The following ZNF521 variants were observed in gnomAD, a reference collection of about 807,000 sequenced individuals.
ZNF521 encodes the protein zinc finger protein 521, also known as LYST-interacting protein 3.
ZNF521 carries 14 observed loss-of-function variants against 105.5 expected under a neutral mutation model. The observed-to-expected ratio is 0.13, with a 90% confidence interval of 0.09 to 0.21. ZNF521 has a LOEUF of 0.21. Ranked by LOEUF, ZNF521 falls within the 10% of genes least tolerant of loss-of-function variation. The probability of loss-of-function intolerance (pLI) is 1.00; values close to 1 mark genes in which losing one functional copy is unlikely to be tolerated. For missense variants in ZNF521, 1,233 were observed against 1,629.7 expected, an observed-to-expected ratio of 0.76 and a Z score of 4.19; for synonymous variants, 635 against 606.0, an observed-to-expected ratio of 1.05 and a Z score of -0.70.
chr18:25,257,419 T>C (rs183153626), intron 3 of ZNF521, among the ~76,000 whole-genome samples: 24 of 152,202 alleles, frequency 1.6e-4, no homozygotes, highest in Admixed American at 8.5e-4. Context: ...CAACTTCTTA[T>C]GTGACCTTAA....
At chr18:25,291,168 T>A (rs1305087494) in intron 3 of ZNF521, among the ~76,000 whole-genome samples, 1 of 152,204 alleles carries the variant, frequency 6.6e-6, no homozygotes, top group Non-Finnish European at 1.5e-5. Context: ...CATGTGGCCA[T>A]AAATAATGCA....
intron 6 of ZNF521, among the ~76,000 whole-genome samples, chr18:25,091,395 G>C (rs1183746121): frequency 2.6e-5 from 4 of 151,852 alleles, no homozygotes; most frequent in African/African-American, 9.7e-5. Flanking sequence ...CTTCTTAAAA[G>C]TATAAGTGTA....
At chr18:25,346,867 A>C (rs903649937) in intron 2 of ZNF521, among the ~76,000 whole-genome samples, 7 of 152,142 alleles carry the variant, frequency 4.6e-5, no homozygotes. Context: ...TCTTGTGTTT[A>C]ACTTGGCCAT....
chr18:25,270,828 T>A (rs1909605502), intron 3 of ZNF521, among the ~76,000 whole-genome samples: 6 of 152,184 alleles, frequency 3.9e-5, no homozygotes, highest in Admixed American at 3.9e-4. Flanking sequence ...TCATACTGAA[T>A]GGGCAAAAAC....
At chr18:25,206,071 T>G (rs2144668679) in intron 4 of ZNF521, among the ~76,000 whole-genome samples, 1 of 152,272 alleles carries the variant, frequency 6.6e-6, no homozygotes, top group South Asian at 2.1e-4. Context: ...TGGCACGATC[T>G]CGGCTCACTG....
chr18:25,111,144 T>C (rs2034181891), intron 5 of ZNF521, among the ~76,000 whole-genome samples: 1 of 152,062 alleles, frequency 6.6e-6, no homozygotes, highest in Admixed American at 6.6e-5. Flanking sequence ...GGTGCCCAGC[T>C]TCCTCCCTAG....
At chr18:25,351,630 A>C (rs1313675284) in intron 1 of ZNF521, 2 of 152,472 alleles carry the variant, frequency 1.3e-5, no homozygotes, top group African/African-American at 4.8e-5. Context: ...CACGAAAATA[A>C]GCAAAGGGAA....
Position 25,225,283 on chromosome 18 carries a change from C to T in ZNF521, c.2635G>A (p.Val879Ile), listed in dbSNP as rs201246445. The T allele has an allele frequency of 5.2e-5, 84 of 1,614,152 alleles. No homozygotes were observed. The highest frequency in any genetic ancestry group is 9.3e-5 in the African/African-American group (7 of 75,022). Residue 879 changes from valine to isoleucine, a missense_variant, in exon 4 of 8, where the codon GTT becomes ATT. This residue lies in a region of ZNF521 where 614 missense variants were observed against 751.5 expected (regional missense o/e 0.82). Coordinates refer to ENST00000361524, the MANE Select transcript of ZNF521 (RefSeq NM_015461.3). The surrounding 1 kb of genome is among the most constrained non-coding windows in gnomAD (Gnocchi z 5.6). ...HNSHDGSEEDVDTSEPMYGCD... is the reference protein window; with the variant it reads ...HNSHDGSEEDIDTSEPMYGCD... ...CCGTACATAGGCTCAGAGGTGTCAA[C>T]GTCTTCTTCGCTCCCATCGTGACTG... is the stretch of plus-strand genomic sequence containing the variant.
At chr18:25,185,675 C>G (rs1360138660) in intron 5 of ZNF521, among the ~76,000 whole-genome samples, 1 of 152,040 alleles carries the variant, frequency 6.6e-6, no homozygotes, top group Non-Finnish European at 1.5e-5. Context: ...TGCATCCCAC[C>G]CTAACAGGCA....
At chr18:25,346,313 C>T (rs923849572) in intron 2 of ZNF521, among the ~76,000 whole-genome samples, 1 of 151,694 alleles carries the variant, frequency 6.6e-6, no homozygotes, top group African/African-American at 2.4e-5. Flanking sequence ...ACCTGTCTAC[C>T]CGTAAGTATA....
At chr18:25,304,599 C>T (rs905834043) in intron 3 of ZNF521, among the ~76,000 whole-genome samples, 4 of 152,174 alleles carry the variant, frequency 2.6e-5, no homozygotes, top group Admixed American at 6.5e-5. Context: ...AATTTGACCT[C>T]GGGGTCTTTT....
At chr18:25,195,133 T>A (rs762127834) in intron 5 of ZNF521, 27 bp downstream of exon 5, 3 of 1,518,518 alleles carry the variant, frequency 2.0e-6, no homozygotes, top group South Asian at 2.3e-5. Flanking sequence ...AACATCTATC[T>A]GTAATAAGGT....
chr18:25,328,326 T>C (rs1913351282), intron 2 of ZNF521, among the ~76,000 whole-genome samples: 1 of 151,884 alleles, frequency 6.6e-6, no homozygotes, highest in African/African-American at 2.4e-5. Flanking sequence ...CAATTGTGAA[T>C]TTATTACCAC....
chr18:25,102,750 C>G (rs974465266), intron 5 of ZNF521, among the ~76,000 whole-genome samples: 13 of 152,092 alleles, frequency 8.5e-5, no homozygotes, highest in Non-Finnish European at 1.8e-4. Flanking sequence ...CACCAGAATT[C>G]AGGCTTCCCG....
At chr18:25,194,017 T>C (rs1210320728) in intron 5 of ZNF521, among the ~76,000 whole-genome samples, 2 of 151,874 alleles carry the variant, frequency 1.3e-5, no homozygotes, top group Non-Finnish European at 2.9e-5. Context: ...TTAATTTATA[T>C]AAGAAAAATT....
intron 5 of ZNF521, among the ~76,000 whole-genome samples, chr18:25,179,247 G>A (rs1409586100): frequency 2.1e-5 from 3 of 142,382 alleles, no homozygotes; most frequent in African/African-American, 5.2e-5. Context: ...TCTGCCTCCC[G>A]GGTTCAAGCA....
chr18:25,181,225 T>G (rs2035626411), intron 5 of ZNF521, among the ~76,000 whole-genome samples: 1 of 152,138 alleles, frequency 6.6e-6, no homozygotes, highest in South Asian at 2.1e-4. Flanking sequence ...CCTCTTCGCT[T>G]AGGTCTATGG....
At chr18:25,300,630 T>C (rs955456443) in intron 3 of ZNF521, among the ~76,000 whole-genome samples, 1 of 151,932 alleles carries the variant, frequency 6.6e-6, no homozygotes, top group Non-Finnish European at 1.5e-5. Flanking sequence ...TAATATTAGG[T>C]TGGTGCAAAA....
chr18:25,115,908 A>G (rs1733783739), intron 5 of ZNF521, among the ~76,000 whole-genome samples: 1 of 152,242 alleles, frequency 6.6e-6, no homozygotes, highest in Non-Finnish European at 1.5e-5. Context: ...TTTCTCCGCC[A>G]GGAAAACCTC....
Sources: gnomAD v4.1 joint callset for allele counts (sites outside exome capture counted in the v4.1 genomes callset) on GRCh38, gnomAD v4.1.1 for gene constraint, gnomAD v4.1.1 regional missense constraint, Gnocchi (gnomAD v3.1) non-coding constraint, MANE v1.5 for transcripts, NCBI Gene and HGNC (gene_info 2026-07-23, HGNC 2026-07-21) for gene names.